GRHL2: variants seen among roughly 807,000 people sequenced by gnomAD.
GRHL2 encodes grainyhead-like protein 2 homolog.
In GRHL2, 21 loss-of-function variants were observed where a neutral mutation model predicts 83.8. The ratio of observed to expected loss-of-function variants is 0.25; its 90% confidence interval spans 0.18 to 0.36. The LOEUF is 0.36. Ranked by LOEUF, GRHL2 falls within the 10% of genes least tolerant of loss-of-function variation. The pLI is 1.00. For synonymous variants in GRHL2, 280 were observed against 278.9 expected (o/e 1.00, Z -0.04); for missense variants, 623 against 781.8 (o/e 0.80, Z 2.42).
chr8:101,650,189 T>G (rs553106382), intron 14 of GRHL2, among the ~76,000 whole-genome samples: 1 of 152,280 alleles, frequency 6.6e-6, no homozygotes, highest in East Asian at 1.9e-4. Context: ...AGTTCAAAAT[T>G]GTTGGTTGGT....
chr8:101,556,214 C>T (rs566056040), intron 3 of GRHL2, among the ~76,000 whole-genome samples: 1 of 152,264 alleles, frequency 6.6e-6, no homozygotes, highest in South Asian at 2.1e-4. Flanking sequence ...ACCTCGGCCT[C>T]CCAAAGTGCT....
At chr8:101,632,833 T>C (rs1377960252) in intron 11 of GRHL2, among the ~76,000 whole-genome samples, 1 of 152,222 alleles carries the variant, frequency 6.6e-6, no homozygotes, top group Non-Finnish European at 1.5e-5. Flanking sequence ...GTAAATCATT[T>C]CACATCAAAA....
intron 12 of GRHL2, among the ~76,000 whole-genome samples, chr8:101,642,325 T>C (rs112885731): frequency 3.9e-4 from 60 of 152,348 alleles, no homozygotes; most frequent in African/African-American, 1.2e-3. Flanking sequence ...TTGTCATGGT[T>C]CAGAACAGGG....
intron 12 of GRHL2, among the ~76,000 whole-genome samples, chr8:101,641,702 G>A (rs527567046): frequency 2.6e-5 from 4 of 152,140 alleles, no homozygotes; most frequent in Non-Finnish European, 5.9e-5. Flanking sequence ...CCAGGGAGAT[G>A]GAAATTGATG....
intron 7 of GRHL2, among the ~76,000 whole-genome samples, chr8:101,595,350 A>T (rs1812370571): frequency 6.6e-6 from 1 of 152,216 alleles, no homozygotes; most frequent in African/African-American, 2.4e-5. Flanking sequence ...AGGAAATAAA[A>T]CCTCATAATG....
intron 1 of GRHL2, among the ~76,000 whole-genome samples, chr8:101,496,147 CAAAAAAA>C (rs34918770): frequency 8.8e-6 from 1 of 113,186 alleles, no homozygotes; most frequent in Non-Finnish European, 1.7e-5. Context: ...GACTCCATCT[CAAAAAAA>C]AAAAAAAAAA....
chr8:101,665,856 A>AT (rs1326461708), intron 15 of GRHL2, among the ~76,000 whole-genome samples: 2 of 152,246 alleles, frequency 1.3e-5, no homozygotes, highest in Non-Finnish European at 2.9e-5. Context: ...ACTTCAAATC[A>AT]TGAAATTGGC....
intron 2 of GRHL2, chr8:101,543,838 A>G (rs546886429): frequency 3.1e-4 from 72 of 228,970 alleles, no homozygotes; most frequent in African/African-American, 1.4e-3. Context: ...CTGGAGACTG[A>G]GAAGAAAAAG....
At position 101,619,528 on chromosome 8, in the gene GRHL2, C is replaced by T; in HGVS notation, c.1099-11C>T. 2 of 1,613,386 alleles carry T rather than the reference C, an allele frequency of 1.2e-6. No homozygotes were observed. The highest frequency in any genetic ancestry group is 1.7e-6 in the Non-Finnish European group (2 of 1,179,668). Reference sequence around the variant, plus strand: ...GTTGACTTGTGAACTTTTTCTTTCTCTTTCCCTCAGATTTTCATCACCGTG... The same window carrying T: ...GTTGACTTGTGAACTTTTTCTTTCTTTTTCCCTCAGATTTTCATCACCGTG... On this transcript the variant is annotated splice_polypyrimidine_tract_variant and intron_variant, in intron 8 of 15. Transcript: ENST00000646743.
At chr8:101,545,823 G>A (rs905027832) in intron 2 of GRHL2, among the ~76,000 whole-genome samples, 1 of 146,604 alleles carries the variant, frequency 6.8e-6, no homozygotes, top group African/African-American at 2.5e-5. Flanking sequence ...TATCTTTAAA[G>A]TGACCCTGAT....
chr8:101,654,649 G>T (rs930461256), intron 14 of GRHL2, among the ~76,000 whole-genome samples: 1 of 152,344 alleles, frequency 6.6e-6, no homozygotes, highest in South Asian at 2.1e-4. Context: ...TGATAGAATA[G>T]TGTTGCCACC....
In GRHL2 at chr8:101,649,438, C is replaced by T. The variant is rs755321189; in HGVS notation, c.1637C>T (p.Thr546Ile). Reference protein sequence around the residue: ...KRVLLYVRKETDDVFDALMLK... With the variant: ...KRVLLYVRKEIDDVFDALMLK... Reference sequence around the variant, plus strand: ...GTGCTCTTGTACGTGAGGAAGGAGACTGACGATGTGTTCGATGCATTGATG... The same window carrying T: ...GTGCTCTTGTACGTGAGGAAGGAGATTGACGATGTGTTCGATGCATTGATG... The change falls in exon 14 of 16, where the codon ACT (threonine) becomes ATT (isoleucine). Residue 546 changes from threonine to isoleucine, a missense_variant. By Grantham distance (89) the Thr-to-Ile change is moderately conservative (BLOSUM62 -1). Transcript: ENST00000646743. The T allele has an allele frequency of 3.7e-6, 6 of 1,614,030 alleles. No individual in the cohort carries two copies. The highest frequency in any genetic ancestry group is 5.1e-6 in the Non-Finnish European group (6 of 1,179,948).
rs563203677 is a variant in GRHL2 at position 101,632,373 on chromosome 8, C to T, written c.1485+8C>T. 5.6e-6 allele frequency: 9 copies of T among 1,613,784 alleles called. No homozygotes were observed. The highest frequency in any genetic ancestry group is 7.6e-6 in the Non-Finnish European group (9 of 1,179,742). ...CTGCAGAGGACCGGACAGGTATGACCTACCAGCTAACGCCCACCTCCCATC... is the reference window on the plus strand; with the variant it reads ...CTGCAGAGGACCGGACAGGTATGACTTACCAGCTAACGCCCACCTCCCATC... On this transcript the variant is annotated splice_region_variant and intron_variant, in intron 11 of 15. Coordinates refer to ENST00000646743, the MANE Select transcript of GRHL2 (RefSeq NM_024915.4).
At chr8:101,660,077 T>C (rs955955098) in intron 14 of GRHL2, among the ~76,000 whole-genome samples, 1 of 152,228 alleles carries the variant, frequency 6.6e-6, no homozygotes, top group Non-Finnish European at 1.5e-5. Context: ...AATTGCATTG[T>C]TTCAAGGTTT....
chr8:101,656,820 G>C (rs1813797090), intron 14 of GRHL2, among the ~76,000 whole-genome samples: 1 of 151,848 alleles, frequency 6.6e-6, no homozygotes, highest in African/African-American at 2.4e-5. Flanking sequence ...TATACTGGGT[G>C]TGTGTTCATG....
chr8:101,626,215 G>A (rs530057173), intron 9 of GRHL2, among the ~76,000 whole-genome samples: 1 of 152,078 alleles, frequency 6.6e-6, no homozygotes, highest in Admixed American at 6.6e-5. Flanking sequence ...TAGTTTTCAA[G>A]AGATGGAATT....
chr8:101,504,560 T>C (rs960641097), intron 1 of GRHL2, among the ~76,000 whole-genome samples: 16 of 152,142 alleles, frequency 1.1e-4, no homozygotes, highest in African/African-American at 3.9e-4. Context: ...GGTCCAGTTT[T>C]GAGCTTTTTT....
chr8:101,493,811 C>G (rs2129942879), intron 1 of GRHL2, among the ~76,000 whole-genome samples: 1 of 152,078 alleles, frequency 6.6e-6, no homozygotes, highest in East Asian at 2.0e-4. Flanking sequence ...CCACAGCCTG[C>G]GCGGCCGGAG....
chr8:101,664,375 G>A, intron 14 of GRHL2, 79 bp from the exon 15 acceptor site: 1 of 1,006,968 alleles, frequency 9.9e-7, no homozygotes, highest in South Asian at 1.3e-5. Context: ...GTCCAAGGGA[G>A]TGAAACTGGA....
Sources: gnomAD v4.1 joint callset for allele counts (sites outside exome capture counted in the v4.1 genomes callset) on GRCh38, gnomAD v4.1.1 for gene constraint, MANE v1.5 for transcripts, NCBI Gene and HGNC (gene_info 2026-07-23, HGNC 2026-07-21) for gene names.